ZNF536: variants seen among roughly 807,000 people sequenced by gnomAD.
ZNF536 encodes the protein zinc finger protein 536.
Under a neutral mutation model 84.5 loss-of-function variants are expected in ZNF536, and 13 were observed. That is an observed-to-expected ratio of 0.15 (90% CI 0.10 to 0.24). ZNF536 has a LOEUF of 0.24. ZNF536 is among the 10% of genes least tolerant of loss of function. ZNF536 has a pLI of 1.00. For synonymous variants in ZNF536, 811 were observed against 742.5 expected (o/e 1.09, Z -1.50); for missense variants, 1,536 against 1,747.5 (o/e 0.88, Z 2.16).
At position 30,577,793 on chromosome 19, in the gene ZNF536, T is replaced by G. The variant is rs1353786622; in HGVS notation, c.169+28279T>G. Among the ~76,000 whole-genome samples the G allele has an allele frequency of 3.3e-5, 5 of 152,192 alleles. No homozygotes were observed. The East Asian group carries it at 9.6e-4, about 29-fold the overall frequency. ...ACTCATAAAGTACAATAAGCACCAT[T>G]GTCCTGTCAAAAATTGAAGATGTTT... is the stretch of plus-strand genomic sequence containing the variant. On this transcript the variant is annotated intron_variant, in intron 1 of 1. Transcript: ENST00000592773.
intron 2 of ZNF536, among the ~76,000 whole-genome samples, chr19:30,291,664 T>C: frequency 6.6e-6 from 1 of 152,244 alleles, no homozygotes; most frequent in East Asian, 1.9e-4. Context: ...TGCCATACTG[T>C]TTTCCATAGT....
intron 2 of ZNF536, among the ~76,000 whole-genome samples, chr19:30,456,315 T>C (rs1409578452): frequency 6.7e-6 from 1 of 148,870 alleles, no homozygotes; most frequent in Admixed American, 6.6e-5. Flanking sequence ...TTTCTTTTTT[T>C]TTTTTTTTTT....
chr19:30,232,167 G>A (rs529203961), intron 1 of ZNF536, among the ~76,000 whole-genome samples: 3 of 152,202 alleles, frequency 2.0e-5, no homozygotes, highest in East Asian at 3.9e-4. Context: ...GGCCTCCCCC[G>A]GCCAGTTGAT....
intron 1 of ZNF536, among the ~76,000 whole-genome samples, chr19:30,689,169 T>G (rs530811792): frequency 1.3e-5 from 2 of 152,352 alleles, no homozygotes; most frequent in Non-Finnish European, 2.9e-5. Flanking sequence ...TGTTAAGAGC[T>G]GAAGGTAGAG....
At chr19:30,494,697 G>A (rs554411474) in intron 2 of ZNF536, among the ~76,000 whole-genome samples, 3 of 152,208 alleles carry the variant, frequency 2.0e-5, no homozygotes, top group East Asian at 3.9e-4. Context: ...TGTAATCTCA[G>A]CACTTTGGGA....
downstream of ZNF536, among the ~76,000 whole-genome samples, chr19:30,562,622 T>C (rs1599816597): frequency 6.6e-6 from 1 of 152,140 alleles, no homozygotes; most frequent in South Asian, 2.1e-4. Flanking sequence ...CAGGTTATCT[T>C]TGAGTGCTTT....
At chr19:30,629,875 A>G (rs1034508245) in intron 1 of ZNF536, among the ~76,000 whole-genome samples, 2 of 152,252 alleles carry the variant, frequency 1.3e-5, no homozygotes, top group African/African-American at 2.4e-5. Flanking sequence ...TCACAGTGAC[A>G]CAGGCACAGT....
At chr19:30,299,290 C>T (rs1342407467) in intron 2 of ZNF536, among the ~76,000 whole-genome samples, 1 of 152,150 alleles carries the variant, frequency 6.6e-6, no homozygotes, top group African/African-American at 2.4e-5. Flanking sequence ...AGGGATTTTT[C>T]ATCTGTTGAT....
chr19:30,571,968 C>T (rs1164320405), intron 1 of ZNF536, among the ~76,000 whole-genome samples: 1 of 152,148 alleles, frequency 6.6e-6, no homozygotes, highest in Non-Finnish European at 1.5e-5. Context: ...ATTGATCCCT[C>T]TGAGTGCTGT....
chr19:30,606,266 TAAAATAAAATAAAATAAAATAAAATA>T (rs2047882907), intron 1 of ZNF536, among the ~76,000 whole-genome samples: 1 of 55,652 alleles, frequency 1.8e-5, no homozygotes, highest in South Asian at 7.3e-4. Flanking sequence ...TAAAATAAAA[TAAAATAAAATAAAATAAAATAAAATA>T]AATAAAATAA....
At chr19:30,280,018 C>G (rs2045381175) in intron 1 of ZNF536, among the ~76,000 whole-genome samples, 2 of 152,186 alleles carry the variant, frequency 1.3e-5, no homozygotes, top group South Asian at 4.1e-4. Flanking sequence ...TGTGTCTCCC[C>G]AGGAATACAC....
At chr19:30,498,236 C>T (rs1474082337) in intron 2 of ZNF536, among the ~76,000 whole-genome samples, 1 of 152,120 alleles carries the variant, frequency 6.6e-6, no homozygotes, top group African/African-American at 2.4e-5. Context: ...GGCACATATA[C>T]AGCATGGAAT....
intron 2 of ZNF536, among the ~76,000 whole-genome samples, chr19:30,287,477 G>A (rs2145737706): frequency 6.6e-6 from 1 of 151,786 alleles, no homozygotes; most frequent in South Asian, 2.1e-4. Flanking sequence ...TGGATAGATG[G>A]ATAGATGGGT....
intron 1 of ZNF536, among the ~76,000 whole-genome samples, chr19:30,270,876 A>G (rs1228653175): frequency 6.6e-6 from 1 of 152,204 alleles, no homozygotes; most frequent in African/African-American, 2.4e-5. Flanking sequence ...AGGTTGTGCA[A>G]ATTCATTACA....
At chr19:30,410,699 C>T (rs935033125) in intron 1 of ZNF536, among the ~76,000 whole-genome samples, 8 of 151,860 alleles carry the variant, frequency 5.3e-5, no homozygotes, top group African/African-American at 1.5e-4. Flanking sequence ...AGGATGGTCT[C>T]GATCTCCTGA....
chr19:30,340,340 G>A (rs2047525796), intron 2 of ZNF536, among the ~76,000 whole-genome samples: 1 of 152,188 alleles, frequency 6.6e-6, no homozygotes, highest in Admixed American at 6.5e-5. Flanking sequence ...CTTAGGAAAT[G>A]TCAGTCAGTC....
intron 1 of ZNF536, among the ~76,000 whole-genome samples, chr19:30,595,699 C>G (rs979078269): frequency 6.6e-6 from 1 of 152,218 alleles, no homozygotes; most frequent in African/African-American, 2.4e-5. Flanking sequence ...CTCTCTGGCT[C>G]TTTCAAGACC....
intron 1 of ZNF536, among the ~76,000 whole-genome samples, chr19:30,393,543 C>G (rs370575596): frequency 8.5e-5 from 13 of 152,136 alleles, no homozygotes; most frequent in African/African-American, 3.1e-4. Flanking sequence ...CTGGCAGGTG[C>G]CTTAAGGAGA....
At chr19:30,283,878 G>C (rs536022903) in intron 1 of ZNF536, among the ~76,000 whole-genome samples, 36 of 152,238 alleles carry the variant, frequency 2.4e-4, no homozygotes, top group African/African-American at 8.4e-4. Flanking sequence ...GAGGAAATTT[G>C]GTTCATTGCA....
Sources: gnomAD v4.1 joint callset for allele counts (sites outside exome capture counted in the v4.1 genomes callset) on GRCh38, gnomAD v4.1.1 for gene constraint, MANE v1.5 for transcripts, NCBI Gene and HGNC (gene_info 2026-07-23, HGNC 2026-07-21) for gene names.